Variants in HECW2 observed in about 807,000 individuals in gnomAD.
HECW2 encodes the protein E3 ubiquitin-protein ligase HECW2.
In HECW2, 61 loss-of-function variants were observed where a neutral mutation model predicts 175.2. That is an observed-to-expected ratio of 0.35 (90% confidence interval 0.28 to 0.43). The LOEUF (loss-of-function observed/expected upper bound fraction) is 0.43, where lower values mean the gene tolerates loss of function less well. HECW2 is among the 20% of genes least tolerant of loss of function. The pLI is 1.00. For synonymous variants in HECW2, 671 were observed against 731.0 expected, an observed-to-expected ratio of 0.92 and a Z score of 1.32; for missense variants, 1,524 against 2,000.5, an observed-to-expected ratio of 0.76 and a Z score of 4.54.
At chr2:196,256,829 T>C (rs913235493) in intron 18 of HECW2, among the ~76,000 whole-genome samples, 2 of 152,220 alleles carry the variant, frequency 1.3e-5, no homozygotes, top group East Asian at 1.9e-4. Flanking sequence ...ACCCCCACCA[T>C]AGGTCCTATT....
intron 14 of HECW2, among the ~76,000 whole-genome samples, chr2:196,286,611 C>T (rs150005651): frequency 1.8e-4 from 27 of 152,204 alleles, no homozygotes; most frequent in East Asian, 1.3e-3. Context: ...TGTACACTTA[C>T]GCATTAATTC....
intron 1 of HECW2, among the ~76,000 whole-genome samples, chr2:196,467,274 C>A (rs1460133785): frequency 6.6e-6 from 1 of 152,160 alleles, no homozygotes; most frequent in Non-Finnish European, 1.5e-5. Flanking sequence ...TCCTCCTTAT[C>A]TTTGCACCTT....
chr2:196,504,189 G>A lies in HECW2; in HGVS notation c.-35-70731C>T, dbSNP rs529168979. Among the ~76,000 whole-genome samples the A allele has an allele frequency of 2.0e-5, 3 of 151,836 alleles. No individual in the cohort carries two copies. The South Asian group carries it at 6.3e-4, about 32-fold the overall frequency. On this transcript the variant is annotated intron_variant, in intron 1 of 28. Coordinates refer to ENST00000644978, the MANE Select transcript of HECW2 (RefSeq NM_001348768.2). ...CAGGCACCTGTAATCCCAGCTACTCGGGAGGCTGAGGCAGGAGAATCACTT... is the reference window on the plus strand; with the variant it reads ...CAGGCACCTGTAATCCCAGCTACTCAGGAGGCTGAGGCAGGAGAATCACTT...
chr2:196,515,997 C>T (rs1253774321), intron 1 of HECW2, among the ~76,000 whole-genome samples: 1 of 150,864 alleles, frequency 6.6e-6, no homozygotes, highest in Admixed American at 6.6e-5. Flanking sequence ...AATAGTTGGA[C>T]ATGGTGGCTC....
intron 2 of HECW2, among the ~76,000 whole-genome samples, chr2:196,369,161 T>G (rs1693836821): frequency 6.6e-6 from 1 of 152,208 alleles, no homozygotes; most frequent in Non-Finnish European, 1.5e-5. Flanking sequence ...TGTTGTGATC[T>G]AAGTTTTTGA....
chr2:196,589,563 A>T (rs1691109256), intron 1 of HECW2, among the ~76,000 whole-genome samples: 1 of 152,192 alleles, frequency 6.6e-6, no homozygotes, highest in Non-Finnish European at 1.5e-5. Flanking sequence ...AACACTGGAG[A>T]CACAAGGGAG....
intron 3 of HECW2, among the ~76,000 whole-genome samples, chr2:196,335,622 T>C (rs912652968): frequency 6.6e-6 from 1 of 152,160 alleles, no homozygotes; most frequent in Non-Finnish European, 1.5e-5. Flanking sequence ...GAGAAAGATA[T>C]GATAACTGAA....
chr2:196,529,615 A>G (rs149488169), intron 1 of HECW2, among the ~76,000 whole-genome samples: 1 of 152,254 alleles, frequency 6.6e-6, no homozygotes, highest in African/African-American at 2.4e-5. Context: ...CCTTAGGACA[A>G]GGAGTGTGCT....
intron 17 of HECW2, among the ~76,000 whole-genome samples, chr2:196,268,522 T>C (rs561059802): frequency 6.6e-6 from 1 of 152,202 alleles, no homozygotes; most frequent in Non-Finnish European, 1.5e-5. Flanking sequence ...AGCTTTTCCC[T>C]CTGTTAGGAT....
chr2:196,439,777 C>A (rs1311931220), intron 1 of HECW2, among the ~76,000 whole-genome samples: 1 of 152,016 alleles, frequency 6.6e-6, no homozygotes, highest in Non-Finnish European at 1.5e-5. Flanking sequence ...AGGGAAGTCT[C>A]AGGAAACGTA....
At chr2:196,439,625 G>A (rs1333739288) in intron 1 of HECW2, among the ~76,000 whole-genome samples, 1 of 152,102 alleles carries the variant, frequency 6.6e-6, no homozygotes, top group Admixed American at 6.6e-5. Context: ...GCCAGCGACG[G>A]GACAGTGTAA....
At chr2:196,382,182 G>T (rs1258817903) in intron 2 of HECW2, among the ~76,000 whole-genome samples, 1 of 149,068 alleles carries the variant, frequency 6.7e-6, no homozygotes. Context: ...TGATATACAT[G>T]TATGTATATG....
chr2:196,584,588 TA>T (rs34608013), intron 1 of HECW2, among the ~76,000 whole-genome samples: 122,599 of 148,662 alleles, frequency 0.82, 50,587 homozygotes, highest in East Asian at 0.96. Flanking sequence ...CCCTATAAAT[TA>T]AAAAAAAAAA....
chr2:196,573,870 C>A (rs373327767), intron 1 of HECW2, among the ~76,000 whole-genome samples: 212 of 141,802 alleles, frequency 1.5e-3, no homozygotes, highest in East Asian at 9.7e-3. Flanking sequence ...ACAACAACAA[C>A]AAAAAAAAAA....
intron 14 of HECW2, among the ~76,000 whole-genome samples, chr2:196,285,708 T>C (rs778283579): frequency 9.9e-5 from 15 of 152,184 alleles, no homozygotes; most frequent in Non-Finnish European, 1.8e-4. Flanking sequence ...TTGTCACAAA[T>C]AGTGGAGATG....
intron 2 of HECW2, among the ~76,000 whole-genome samples, chr2:196,390,845 C>T (rs543172486): frequency 1.3e-5 from 2 of 152,272 alleles, no homozygotes; most frequent in South Asian, 4.1e-4. Context: ...GGGCTACGTA[C>T]TTAGACACAA....
At chr2:196,533,467 T>G (rs570208437) in intron 1 of HECW2, among the ~76,000 whole-genome samples, 14 of 152,252 alleles carry the variant, frequency 9.2e-5, no homozygotes, top group South Asian at 4.1e-4. Flanking sequence ...TCATCTTTTT[T>G]TGTGTGTGTG....
Position 196,319,544 on chromosome 2 carries a change from C to T in HECW2, c.1346G>A (p.Ser449Asn), listed in dbSNP as rs202007505. The T allele has an allele frequency of 1.2e-6, 2 of 1,604,836 alleles. No homozygotes were observed. The highest frequency in any genetic ancestry group is 4.5e-5 in the East Asian group (2 of 44,884). Residue 449 changes from serine to asparagine, a missense_variant, in exon 9 of 29, where the codon AGT becomes AAT. Ser to Asn is a conservative substitution (Grantham distance 46). Transcript: ENST00000644978. Reference protein sequence around the residue: ...RSMGASPKLRSSFPTDTRLNA... With the variant: ...RSMGASPKLRNSFPTDTRLNA... ...GAGTCTTGTGTCAGTGGGAAAACTA[C>T]TCCTCAGTTTCGGAGAGGCACCCAT...
chr2:196,430,776 C>T (rs1478080335), intron 2 of HECW2, among the ~76,000 whole-genome samples: 2 of 151,918 alleles, frequency 1.3e-5, no homozygotes, highest in African/African-American at 2.4e-5. Context: ...GGAAAATGAA[C>T]GAGAGCCTCG....
Sources: allele counts gnomAD v4.1 joint callset (sites outside exome capture counted in the v4.1 genomes callset), GRCh38; gene constraint gnomAD v4.1.1; transcripts MANE v1.5; gene names NCBI Gene and HGNC (gene_info 2026-07-23, HGNC 2026-07-21).